ZHX2: variants seen among roughly 807,000 people sequenced by gnomAD.
ZHX2 encodes the protein zinc fingers and homeoboxes 2.
Under a neutral mutation model 21.9 loss-of-function variants are expected in ZHX2, and 6 were observed. That is an observed-to-expected ratio of 0.27 (90% CI 0.15 to 0.54). The LOEUF is 0.54. Ranked by LOEUF, ZHX2 falls within the 20% of genes least tolerant of loss-of-function variation. The pLI, the probability that ZHX2 is intolerant of heterozygous loss-of-function variation, is 0.95. For synonymous variants in ZHX2, 434 were observed against 437.1 expected (o/e 0.99, Z 0.09); for missense variants, 908 against 1,090.7 (o/e 0.83, Z 2.36).
chr8:122,971,391 A>G (rs1211018057), intron 3 of ZHX2, among the ~76,000 whole-genome samples: 1 of 149,352 alleles, frequency 6.7e-6, no homozygotes, highest in African/African-American at 2.5e-5. Flanking sequence ...GATGACTTTT[A>G]GGTAGTCCAG....
intron 2 of ZHX2, among the ~76,000 whole-genome samples, chr8:122,868,600 C>T (rs1819354408): frequency 6.6e-6 from 1 of 150,886 alleles, no homozygotes; most frequent in African/African-American, 2.4e-5. Context: ...ACTTGGGAGG[C>T]TGAGGCAGGA....
intron 2 of ZHX2, among the ~76,000 whole-genome samples, chr8:122,934,214 A>T (rs1013176037): frequency 1.8e-4 from 28 of 152,306 alleles, no homozygotes; most frequent in African/African-American, 6.5e-4. Context: ...GTATCTTGCC[A>T]ACCTCCTACA....
At chr8:122,835,496 T>A (rs1818473481) in intron 1 of ZHX2, among the ~76,000 whole-genome samples, 1 of 151,958 alleles carries the variant, frequency 6.6e-6, no homozygotes, top group Admixed American at 6.6e-5. Context: ...TTGTCCTGAG[T>A]AGGGGACGGT....
chr8:122,824,025 AG>A (rs961397121), intron 1 of ZHX2, among the ~76,000 whole-genome samples: 1 of 152,218 alleles, frequency 6.6e-6, no homozygotes, highest in Non-Finnish European at 1.5e-5. Context: ...TCAAACCCTC[AG>A]AACTCCTCCA....
At position 122,845,454 on chromosome 8, in the gene ZHX2, G is replaced by T. The variant is rs567921215; in HGVS notation, c.-282-18023G>T. Among the ~76,000 whole-genome samples the T allele has an allele frequency of 4.6e-5, 7 of 152,296 alleles. No individual in the cohort carries two copies. The East Asian group carries it at 1.2e-3, about 25-fold the overall frequency. On this transcript the variant is annotated intron_variant, in intron 1 of 3. Coordinates refer to ENST00000314393, the MANE Select transcript of ZHX2 (RefSeq NM_014943.5). The stretch of plus-strand genomic sequence containing the variant: ...CCCAGGAAAGAACTAATATTGTCCA[G>T]GTTTTAAGCACACTCTAGCTGGGCT...
At chr8:122,965,235 A>G (rs968972376) in intron 3 of ZHX2, among the ~76,000 whole-genome samples, 1 of 151,460 alleles carries the variant, frequency 6.6e-6, no homozygotes, top group Non-Finnish European at 1.5e-5. Context: ...TTGAGGTGTG[A>G]GTTTAGGCTG....
At chr8:122,822,388 GC>G (rs1044289849) in intron 1 of ZHX2, among the ~76,000 whole-genome samples, 3 of 152,118 alleles carry the variant, frequency 2.0e-5, no homozygotes, top group Non-Finnish European at 4.4e-5. Flanking sequence ...CAAAACTGAG[GC>G]CCAGGGAACA....
intron 3 of ZHX2, among the ~76,000 whole-genome samples, chr8:122,962,228 G>A (rs1003793889): frequency 1.3e-5 from 2 of 152,102 alleles, no homozygotes; most frequent in African/African-American, 2.4e-5. Flanking sequence ...CCTATCACCC[G>A]AGCAGTGTAC....
intron 2 of ZHX2, among the ~76,000 whole-genome samples, chr8:122,938,450 G>A (rs1198384869): frequency 6.6e-6 from 1 of 152,080 alleles, no homozygotes; most frequent in East Asian, 1.9e-4. Flanking sequence ...CAGATCTTTG[G>A]GATGGATGAG....
At chr8:122,897,449 G>T (rs912926475) in intron 2 of ZHX2, among the ~76,000 whole-genome samples, 2 of 152,180 alleles carry the variant, frequency 1.3e-5, no homozygotes, top group South Asian at 2.1e-4. Context: ...TGGTGTGAAA[G>T]TCAAGTCTAA....
intron 2 of ZHX2, among the ~76,000 whole-genome samples, chr8:122,944,129 G>A (rs757101658): frequency 6.6e-6 from 1 of 152,120 alleles, no homozygotes; most frequent in Admixed American, 6.6e-5. Flanking sequence ...CCCCTTTGAA[G>A]CCCTGCTTAT....
intron 3 of ZHX2, among the ~76,000 whole-genome samples, chr8:122,961,872 A>G (rs1436095207): frequency 1.3e-5 from 2 of 152,218 alleles, no homozygotes; most frequent in African/African-American, 2.4e-5. Flanking sequence ...CATTAGTACC[A>G]ATAGATACTG....
Position 122,832,479 on chromosome 8 carries a change from G to A in ZHX2, c.-282-30998G>A, listed in dbSNP as rs1282170202. Among the ~76,000 whole-genome samples the A allele has an allele frequency of 2.6e-5, 4 of 152,134 alleles. No homozygotes were observed. In the South Asian group the frequency reaches 8.3e-4, roughly 32 times the overall value. On this transcript the variant is annotated intron_variant, in intron 1 of 3. Coordinates refer to ENST00000314393, the MANE Select transcript of ZHX2 (RefSeq NM_014943.5). ...GGTTAGAACACCAGTACAACTCCAC[G>A]CCGTTCGTCGGTATAGAGGGAGAAA...
intron 3 of ZHX2, among the ~76,000 whole-genome samples, chr8:122,967,421 C>T (rs1338774471): frequency 1.3e-5 from 2 of 152,144 alleles, no homozygotes; most frequent in East Asian, 3.9e-4. Context: ...TATTGCCCTT[C>T]TGGGTCTAGC....
intron 2 of ZHX2, among the ~76,000 whole-genome samples, chr8:122,896,510 T>C (rs1586369069): frequency 6.6e-6 from 1 of 152,238 alleles, no homozygotes; most frequent in East Asian, 1.9e-4. Flanking sequence ...GTAATTTTCA[T>C]TTACATTTAT....
In ZHX2 at chr8:122,954,006, A is replaced by G. The variant is rs749301737; in HGVS notation, c.2496A>G (p.Ala832=). The G allele has an allele frequency of 6.2e-7, 1 of 1,604,558 alleles. No individual in the cohort carries two copies. Among genetic ancestry groups the G allele is most frequent in the South Asian group, 1.1e-5 (1 of 89,370 alleles). Residue 832 remains alanine (A), a synonymous_variant, in exon 3 of 4, where the codon GCA becomes GCG. Coordinates refer to ENST00000314393, the MANE Select transcript of ZHX2 (RefSeq NM_014943.5). ...AATCAGACTCCGACTGCGTCCCTGC[A>G]GAGGCTGGCCAGGCCTAGACAGGTA... ...LAESDSDCVP[A]EAGQA
intron 1 of ZHX2, among the ~76,000 whole-genome samples, chr8:122,813,354 A>C (rs1210665418): frequency 1.3e-5 from 2 of 152,190 alleles, no homozygotes; most frequent in African/African-American, 4.8e-5. Flanking sequence ...TGTCTGGGGA[A>C]TGCATCAGAG....
intron 1 of ZHX2, among the ~76,000 whole-genome samples, chr8:122,852,364 G>A (rs1214279057): frequency 1.3e-5 from 2 of 152,044 alleles, no homozygotes; most frequent in East Asian, 3.9e-4. Context: ...GAAGGTGCAA[G>A]GCACATTCAA....
At chr8:122,948,322 T>C (rs1813027618) in intron 2 of ZHX2, among the ~76,000 whole-genome samples, 2 of 152,144 alleles carry the variant, frequency 1.3e-5, no homozygotes, top group African/African-American at 4.8e-5. Context: ...AAGTCGGGGA[T>C]CTTTGCTTCA....
Sources: gnomAD v4.1 joint callset for allele counts (sites outside exome capture counted in the v4.1 genomes callset) on GRCh38, gnomAD v4.1.1 for gene constraint, MANE v1.5 for transcripts, NCBI Gene and HGNC (gene_info 2026-07-23, HGNC 2026-07-21) for gene names.